LYRM4: variants seen among roughly 807,000 people sequenced by gnomAD.
LYRM4 encodes LYR motif-containing protein 4.
A neutral mutation model predicts 11.7 loss-of-function variants in LYRM4; 9 were observed. The observed-to-expected ratio is 0.77, with a 90% CI of 0.46 to 1.34. The LOEUF (loss-of-function observed/expected upper bound fraction) is 1.34, where lower values mean the gene tolerates loss of function less well. Ranked by LOEUF, LYRM4 falls within the 40% of genes most tolerant of loss-of-function variation. The pLI is 0.00. For missense variants in LYRM4, 133 were observed against 112.5 expected, an observed-to-expected ratio of 1.18 and a Z score of -0.82; for synonymous variants, 42 against 40.4, an observed-to-expected ratio of 1.04 and a Z score of -0.15.
intron 1 of LYRM4, among the ~76,000 whole-genome samples, chr6:5,238,430 T>A (rs541683220): frequency 6.6e-6 from 1 of 152,316 alleles, no homozygotes; most frequent in Non-Finnish European, 1.5e-5. Context: ...AAAGAAATTC[T>A]TATTAGAGGA....
Position 5,235,330 on chromosome 6 carries a change from A to AAAAC in LYRM4, c.87-18596_87-18593dup, listed in dbSNP as rs532806207. On this transcript the variant is annotated intron_variant, in intron 1 of 2. Transcript: ENST00000330636. Reference sequence around the variant, plus strand: ...GCACACTGTAATTTTTTATTTAATTAAAACAAACAAACAAACCAAATACAA... The same window carrying AAAAC: ...GCACACTGTAATTTTTTATTTAATTAAAACAAACAAACAAACAAACCAAATACAA... Among the ~76,000 whole-genome samples the AAAAC allele has an allele frequency of 2.8e-3, 424 of 152,300 alleles. 1 individual carries two copies. The highest frequency in any genetic ancestry group is 9.9e-3 in the African/African-American group (411 of 41,560).
At chr6:5,047,433 G>GT in the LYRM4 span, among the ~76,000 whole-genome samples, 9 of 152,152 alleles carry the variant, frequency 5.9e-5, no homozygotes, top group Admixed American at 5.9e-4. Flanking sequence ...CCAAAAACAT[G>GT]TATCTGCCTT....
chr6:5,205,437 G>A (rs1218170090), intron 2 of LYRM4, among the ~76,000 whole-genome samples: 1 of 150,818 alleles, frequency 6.6e-6, no homozygotes, highest in Admixed American at 6.6e-5. Context: ...ACGACTATCG[G>A]GGGACAGGCT....
chr6:5,105,952 C>T (rs1762651140), downstream of LYRM4: 2 of 152,432 alleles, frequency 1.3e-5, no homozygotes, highest in African/African-American at 4.8e-5. Flanking sequence ...ATCCCAGACT[C>T]CCTTTAGTTC....
intron 2 of LYRM4, among the ~76,000 whole-genome samples, chr6:5,187,216 G>C (rs1344117762): frequency 6.6e-6 from 1 of 152,054 alleles, no homozygotes; most frequent in Non-Finnish European, 1.5e-5. Flanking sequence ...GATCTTCTCA[G>C]GGCTGAAGAA....
In LYRM4 at chr6:5,136,315, C is replaced by A. The variant is rs547721091; in HGVS notation, c.208-26824G>T. On this transcript the variant is annotated intron_variant, in intron 2 of 2. Transcript: ENST00000330636. ...ATACTTTTAAAACCAAATCAGTATT[C>A]TTCTAAATGATAACTTGTCCCCTTT... is the stretch of plus-strand genomic sequence containing the variant. 6.7e-5 allele frequency: 66 copies of A among 985,418 alleles called. No individual in the cohort carries two copies. In the African/African-American group the frequency reaches 1.1e-3, roughly 17 times the overall value. 61.0% of individuals were successfully genotyped at this position (985,418 alleles called of 1,614,324 possible). A position where few individuals can be genotyped will look rare whatever the true frequency, so the allele number is the denominator to read the frequency against.
intron 1 of LYRM4, among the ~76,000 whole-genome samples, chr6:5,231,552 C>A (rs1429478302): frequency 6.6e-6 from 1 of 152,166 alleles, no homozygotes; most frequent in African/African-American, 2.4e-5. Flanking sequence ...TGTGAATCAC[C>A]TCCCTGTGTC....
the LYRM4 span, among the ~76,000 whole-genome samples, chr6:5,047,216 C>G: frequency 0.011 from 1,634 of 152,264 alleles, 11 homozygotes; most frequent in Non-Finnish European, 0.017. Context: ...AATCTGTCAC[C>G]ATCTTTTAGA....
intron 2 of LYRM4, among the ~76,000 whole-genome samples, chr6:5,116,574 G>A (rs1000791771): frequency 6.6e-6 from 1 of 152,326 alleles, no homozygotes; most frequent in Non-Finnish European, 1.5e-5. Flanking sequence ...TCTGGTCAAC[G>A]GAAGTAAGGT....
chr6:5,209,458 T>G (rs145791615), intron 2 of LYRM4, among the ~76,000 whole-genome samples: 1 of 152,210 alleles, frequency 6.6e-6, no homozygotes, highest in Non-Finnish European at 1.5e-5. Context: ...TTTTTAAATA[T>G]GTAGATTGAT....
At chr6:5,109,749 C>T (rs1009120309) in intron 2 of LYRM4, among the ~76,000 whole-genome samples, 6 of 102,600 alleles carry the variant, frequency 5.8e-5, no homozygotes, top group African/African-American at 1.7e-4. Flanking sequence ...GCCTGGGACT[C>T]GGGGCTGTGC....
intron 1 of LYRM4, among the ~76,000 whole-genome samples, chr6:5,227,255 C>T (rs1319624193): frequency 6.6e-6 from 1 of 151,958 alleles, no homozygotes; most frequent in South Asian, 2.1e-4. Context: ...GAGCTTGTTC[C>T]GATGAAAGCC....
chr6:5,242,862 T>C (rs1581587488), intron 1 of LYRM4, among the ~76,000 whole-genome samples: 1 of 149,804 alleles, frequency 6.7e-6, no homozygotes, highest in South Asian at 2.2e-4. Flanking sequence ...CAAGCTCCGC[T>C]TCCCAGGTTC....
chr6:5,160,831 A>G (rs906098625), intron 2 of LYRM4, among the ~76,000 whole-genome samples: 3 of 152,186 alleles, frequency 2.0e-5, no homozygotes, highest in Non-Finnish European at 2.9e-5. Flanking sequence ...CTCCTTCCCT[A>G]TGCCTCTAAG....
chr6:5,211,798 A>G (rs982487906), intron 2 of LYRM4, among the ~76,000 whole-genome samples: 4 of 152,236 alleles, frequency 2.6e-5, no homozygotes, highest in African/African-American at 4.8e-5. Context: ...TAGTAACAAT[A>G]TATTTTTTCA....
rs189992727 is a variant in LYRM4, at chr6:5,137,560, G to A, written c.208-28069C>T. Reference sequence around the variant, plus strand: ...TGCATTGATACTGAACATCTTCTTTGAGCTCAGTTCCTCCTCACAGAGGAA... The same window carrying A: ...TGCATTGATACTGAACATCTTCTTTAAGCTCAGTTCCTCCTCACAGAGGAA... On this transcript the variant is annotated intron_variant, in intron 2 of 2. Transcript: ENST00000330636. Among the ~76,000 whole-genome samples the A allele has an allele frequency of 2.0e-5, 3 of 152,220 alleles. No homozygotes were observed. The East Asian group carries it at 5.8e-4, about 29-fold the overall frequency.
At chr6:5,159,802 A>G (rs1173285518) in intron 2 of LYRM4, among the ~76,000 whole-genome samples, 1 of 152,228 alleles carries the variant, frequency 6.6e-6, no homozygotes, top group African/African-American at 2.4e-5. Flanking sequence ...CTCAAAAAGC[A>G]TATGAACATT....
intron 1 of LYRM4, among the ~76,000 whole-genome samples, chr6:5,247,277 T>C (rs1484394265): frequency 1.3e-5 from 2 of 152,154 alleles, no homozygotes; most frequent in African/African-American, 2.4e-5. Flanking sequence ...ATTCTTAGTC[T>C]GAGGAGGAGA....
At chr6:5,081,956 T>C in the LYRM4 span, among the ~76,000 whole-genome samples, 1 of 152,076 alleles carries the variant, frequency 6.6e-6, no homozygotes, top group Non-Finnish European at 1.5e-5. Context: ...GTGGGGAGCA[T>C]GTGGAGACCC....
Sources: allele counts gnomAD v4.1 joint callset (sites outside exome capture counted in the v4.1 genomes callset), GRCh38; gene constraint gnomAD v4.1.1; transcripts MANE v1.5; gene names NCBI Gene and HGNC (gene_info 2026-07-23, HGNC 2026-07-21).